GSK3B: variants seen among roughly 807,000 people sequenced by gnomAD.
The protein encoded by GSK3B is glycogen synthase kinase-3 beta.
In GSK3B, 15 loss-of-function variants were observed where a neutral mutation model predicts 56.4. That is an observed-to-expected ratio of 0.27 (90% CI 0.18 to 0.41). The LOEUF is 0.41. Among genes scored for constraint, GSK3B ranks in the 10% least tolerant of loss-of-function variants. The pLI is 1.00. For missense variants in GSK3B, 300 were observed against 513.4 expected, an observed-to-expected ratio of 0.58 and a Z score of 4.02; for synonymous variants, 181 against 188.9, an observed-to-expected ratio of 0.96 and a Z score of 0.34.
chr3:119,885,078 C>T (rs1057180724), intron 7 of GSK3B, among the ~76,000 whole-genome samples: 2 of 151,848 alleles, frequency 1.3e-5, no homozygotes, highest in Non-Finnish European at 2.9e-5. Context: ...TGATTCTATA[C>T]CTAGAAAGCC....
chr3:120,083,671 A>G (rs1559906486), intron 1 of GSK3B, among the ~76,000 whole-genome samples: 1 of 152,214 alleles, frequency 6.6e-6, no homozygotes, highest in Admixed American at 6.5e-5. Flanking sequence ...ACCCCAAAAG[A>G]TCTGAAAACA....
chr3:119,958,018 G>A (rs1032963582), intron 2 of GSK3B, among the ~76,000 whole-genome samples: 5 of 152,102 alleles, frequency 3.3e-5, no homozygotes, highest in Non-Finnish European at 5.9e-5. Context: ...GTGCTGAGGC[G>A]AGGACCTATA....
At chr3:119,912,839 C>A (rs757233722) in intron 5 of GSK3B, 29 bp from the exon 6 acceptor site, 3 of 1,182,826 alleles carry the variant, frequency 2.5e-6, no homozygotes, top group African/African-American at 1.5e-5. Flanking sequence ...AAATAAAAAG[C>A]AGAAATTCTT....
At chr3:119,976,958 G>C (rs943450641) in intron 2 of GSK3B, among the ~76,000 whole-genome samples, 1 of 151,976 alleles carries the variant, frequency 6.6e-6, no homozygotes, top group Non-Finnish European at 1.5e-5. Flanking sequence ...CTTATATCAA[G>C]TTTTATTTCT....
intron 7 of GSK3B, among the ~76,000 whole-genome samples, chr3:119,877,399 G>A (rs773376966): frequency 2.0e-5 from 3 of 151,586 alleles, no homozygotes; most frequent in South Asian, 2.1e-4. Context: ...TCATCTTTAG[G>A]TTATTATAAT....
rs1388335197 is a variant in GSK3B at position 119,923,413 on chromosome 3, T to C, written c.437A>G (p.Tyr146Cys). 1.9e-6 allele frequency: 3 copies of C among 1,602,606 alleles called. No individual in the cohort carries two copies. Among genetic ancestry groups the C allele is most frequent in the African/African-American group, 2.7e-5 (2 of 74,798 alleles). The change falls in exon 4 of 11, where the codon TAT (tyrosine) becomes TGT (cysteine). Residue 146 changes from tyrosine to cysteine, a missense_variant. Physicochemically the swap from Tyr to Cys is radical, Grantham distance 194. Around this residue, in one of 6 missense-constraint regions of GSK3B, gnomAD observed 62 missense variants for 84.0 expected, o/e 0.74. Transcript: ENST00000264235. The stretch of plus-strand genomic sequence containing the variant: ...AGGGAGCGTCTGTTTGGCTCGACTA[T>C]AGTGTCTGGCAACTCTGTATACTGT... Reference protein sequence around the residue: ...PETVYRVARHYSRAKQTLPVI... With the variant: ...PETVYRVARHCSRAKQTLPVI...
intron 1 of GSK3B, among the ~76,000 whole-genome samples, chr3:120,014,260 T>C (rs1004990339): frequency 6.6e-6 from 1 of 152,114 alleles, no homozygotes; most frequent in Non-Finnish European, 1.5e-5. Flanking sequence ...TAGTGAAACT[T>C]TGTCTCTATT....
intron 2 of GSK3B, among the ~76,000 whole-genome samples, chr3:119,983,696 A>G (rs2057486098): frequency 6.6e-6 from 1 of 152,248 alleles, no homozygotes; most frequent in African/African-American, 2.4e-5. Flanking sequence ...AGGAGCACCC[A>G]GATTCATAAA....
chr3:120,055,892 A>G (rs574132958), intron 1 of GSK3B, among the ~76,000 whole-genome samples: 12 of 152,370 alleles, frequency 7.9e-5, no homozygotes, highest in African/African-American at 2.9e-4. Context: ...AGGAAAATAT[A>G]TAAGTGATTA....
At chr3:119,848,152 A>G (rs190111490) in intron 9 of GSK3B, among the ~76,000 whole-genome samples, 1 of 152,364 alleles carries the variant, frequency 6.6e-6, no homozygotes, top group Admixed American at 6.5e-5. Flanking sequence ...GTTCTGTAGC[A>G]AGTAGTGGTA....
chr3:120,088,139 G>T (rs1042839103), intron 1 of GSK3B, among the ~76,000 whole-genome samples: 1 of 152,188 alleles, frequency 6.6e-6, no homozygotes, highest in East Asian at 1.9e-4. Flanking sequence ...TGATCCACCC[G>T]CCTCGGCCTC....
chr3:120,013,934 C>T (rs1576271637), intron 1 of GSK3B, among the ~76,000 whole-genome samples: 1 of 151,860 alleles, frequency 6.6e-6, no homozygotes, highest in East Asian at 1.9e-4. Context: ...CTTTGGGAGG[C>T]CAAGGTGAGT....
intron 7 of GSK3B, among the ~76,000 whole-genome samples, chr3:119,905,217 A>G (rs879903290): frequency 3.3e-5 from 5 of 151,768 alleles, no homozygotes; most frequent in Admixed American, 3.3e-4. Context: ...ATAAAATTAT[A>G]TTAAATTCAT....
chr3:119,902,732 C>T (rs1254338529), intron 7 of GSK3B, among the ~76,000 whole-genome samples: 5 of 151,868 alleles, frequency 3.3e-5, no homozygotes, highest in Admixed American at 1.3e-4. Context: ...TTGATGGACT[C>T]GTTGACACAG....
chr3:120,049,949 A>G (rs1420286553), intron 1 of GSK3B, among the ~76,000 whole-genome samples: 1 of 152,228 alleles, frequency 6.6e-6, no homozygotes, highest in Non-Finnish European at 1.5e-5. Flanking sequence ...ATGACAGAAT[A>G]CATGAGACTG....
chr3:120,028,810 G>A lies in GSK3B; in HGVS notation c.89-26571C>T, dbSNP rs74975857. On this transcript the variant is annotated intron_variant, in intron 1 of 10. Transcript: ENST00000264235. ...GCGTGGTCTCCGCCAGTGGGCGGCC[G>A]CAGCTGCAAGGAACTCACTGAGGCC... is the stretch of plus-strand genomic sequence containing the variant. 2,425 of 443,228 alleles carry A rather than the reference G, an allele frequency of 5.5e-3. 21 individuals carry two copies. Among genetic ancestry groups the A allele is most frequent in the Middle Eastern group, 9.7e-3 (14 of 1,448 alleles). 27.5% of individuals were successfully genotyped at this position (443,228 alleles called of 1,614,324 possible). A position where few individuals can be genotyped will look rare whatever the true frequency, so the allele number is the denominator to read the frequency against.
At chr3:119,899,760 G>GA (rs966183432) in intron 7 of GSK3B, among the ~76,000 whole-genome samples, 13 of 151,952 alleles carry the variant, frequency 8.6e-5, no homozygotes, top group Admixed American at 5.2e-4. Flanking sequence ...TGATTTCTTA[G>GA]AAAAAATCAA....
chr3:119,847,279 A>C (rs1472826622), intron 9 of GSK3B, among the ~76,000 whole-genome samples: 3 of 152,020 alleles, frequency 2.0e-5, no homozygotes, highest in Admixed American at 1.3e-4. Flanking sequence ...CCAGAACTTA[A>C]AGTATAATAA....
At chr3:119,902,815 A>C (rs539091719) in intron 7 of GSK3B, among the ~76,000 whole-genome samples, 130 of 152,278 alleles carry the variant, frequency 8.5e-4, no homozygotes, top group Non-Finnish European at 1.4e-3. Context: ...CCCGGGCTGA[A>C]GCTACCCTCC....
Sources: gnomAD v4.1 joint callset for allele counts (sites outside exome capture counted in the v4.1 genomes callset) on GRCh38, gnomAD v4.1.1 for gene constraint, gnomAD v4.1.1 regional missense constraint, MANE v1.5 for transcripts, NCBI Gene and HGNC (gene_info 2026-07-23, HGNC 2026-07-21) for gene names.